The following ZFP2 variants were observed in gnomAD, a reference collection of about 807,000 sequenced individuals.
The protein encoded by ZFP2 is zinc finger protein ZFP2.
ZFP2 carries 33 observed loss-of-function variants against 36.1 expected under a neutral mutation model. The ratio of observed to expected loss-of-function variants is 0.92; its 90% CI spans 0.69 to 1.22. The LOEUF (loss-of-function observed/expected upper bound fraction) is 1.22. ZFP2 is among the 50% of genes most tolerant of loss of function. ZFP2 has a pLI of 0.00. For synonymous variants in ZFP2, 170 were observed against 178.0 expected, an observed-to-expected ratio of 0.96 and a Z score of 0.36; for missense variants, 522 against 551.4, an observed-to-expected ratio of 0.95 and a Z score of 0.53.
At chr5:178,916,745 T>G (rs916720550) in intron 4 of ZFP2, 35 bp downstream of exon 4, 1 of 984,882 alleles carries the variant, frequency 1.0e-6, no homozygotes, top group Admixed American at 6.1e-5. Flanking sequence ...GTGGAAGACA[T>G]TGGCTCTGAA....
In ZFP2 at chr5:178,932,753, T is replaced by C; in HGVS notation, c.*54T>C. 1 of 1,516,078 alleles carries C rather than the reference T, an allele frequency of 6.6e-7. No individual in the cohort carries two copies. Among genetic ancestry groups the C allele is most frequent in the Non-Finnish European group, 8.8e-7 (1 of 1,132,830 alleles). 93.9% of individuals were successfully genotyped at this position (1,516,078 alleles called of 1,614,324 possible). ...GATTAACTCTTCAGTAATAATCATA[T>C]GAGACATACAATGTAGAAACCTAAT... On this transcript the variant is annotated 3_prime_UTR_variant, in exon 5 of 5. Transcript: ENST00000361362.
chr5:178,902,347 T>TA (rs1397692615), intron 1 of ZFP2, among the ~76,000 whole-genome samples: 1 of 152,218 alleles, frequency 6.6e-6, no homozygotes, highest in African/African-American at 2.4e-5. Context: ...AAGGAAAACT[T>TA]ACATCGATAC....
rs936041257 is a variant in ZFP2 at position 178,932,762 on chromosome 5, C to A, written c.*63C>A. On this transcript the variant is annotated 3_prime_UTR_variant, in exon 5 of 5. Transcript: ENST00000361362. ...TTCAGTAATAATCATATGAGACATACAATGTAGAAACCTAATAAATGTAAT... is the reference window on the plus strand; with the variant it reads ...TTCAGTAATAATCATATGAGACATAAAATGTAGAAACCTAATAAATGTAAT... The A allele has an allele frequency of 6.6e-7, 1 of 1,506,746 alleles. No individual in the cohort carries two copies. The highest frequency in any genetic ancestry group is 8.9e-7 in the Non-Finnish European group (1 of 1,127,890). 93.3% of individuals were successfully genotyped at this position (1,506,746 alleles called of 1,614,324 possible).
chr5:178,896,959 T>C (rs980366537), intron 1 of ZFP2, among the ~76,000 whole-genome samples: 1 of 152,134 alleles, frequency 6.6e-6, no homozygotes, highest in African/African-American at 2.4e-5. Context: ...TAGAGCTACG[T>C]CATTTTAATG....
intron 1 of ZFP2, among the ~76,000 whole-genome samples, chr5:178,912,199 T>C (rs1758312799): frequency 6.6e-6 from 1 of 152,224 alleles, no homozygotes; most frequent in African/African-American, 2.4e-5. Flanking sequence ...TGTATGTGGC[T>C]GATAAATTGC....
At chr5:178,916,530 G>C (rs906522089) in intron 3 of ZFP2, 35 bp from the exon 4 acceptor site, 28 of 985,198 alleles carry the variant, frequency 2.8e-5, no homozygotes, top group Admixed American at 6.1e-5. Context: ...CATAGAACAT[G>C]ATGATTTGCA....
chr5:178,909,735 T>C, intron 1 of ZFP2: 1 of 1,547,798 alleles, frequency 6.5e-7, no homozygotes, highest in African/African-American at 1.4e-5. Context: ...ACACAAGCCC[T>C]CGGGCCTTGA....
chr5:178,911,051 G>A (rs1243071738), intron 1 of ZFP2, among the ~76,000 whole-genome samples: 2 of 152,104 alleles, frequency 1.3e-5, no homozygotes, highest in Non-Finnish European at 2.9e-5. Flanking sequence ...AACATCTGAT[G>A]ATTTTCTTAG....
At chr5:178,928,921 TAG>T (rs1300782485) in intron 4 of ZFP2, among the ~76,000 whole-genome samples, 9 of 152,214 alleles carry the variant, frequency 5.9e-5, no homozygotes, top group Non-Finnish European at 7.3e-5. Flanking sequence ...GAAATCTAGA[TAG>T]AGTTTCCCAA....
intron 4 of ZFP2, among the ~76,000 whole-genome samples, chr5:178,927,593 T>G (rs1758705613): frequency 6.7e-6 from 1 of 149,718 alleles, no homozygotes. Context: ...ACCTCCCGGG[T>G]TCAAGTGATT....
chr5:178,929,271 G>C (rs1003579788), intron 4 of ZFP2, among the ~76,000 whole-genome samples: 1 of 152,240 alleles, frequency 6.6e-6, no homozygotes, highest in Non-Finnish European at 1.5e-5. Context: ...TCTGCAGCCT[G>C]CTTGAATTCC....
Position 178,931,278 on chromosome 5 carries a change from C to A in ZFP2, c.-36C>A. 1 of 1,528,500 alleles carries A rather than the reference C, an allele frequency of 6.5e-7. No homozygotes were observed. The highest frequency in any genetic ancestry group is 8.8e-7 in the Non-Finnish European group (1 of 1,142,340). 94.7% of individuals were successfully genotyped at this position (1,528,500 alleles called of 1,614,324 possible). Reference sequence around the variant, plus strand: ...TGAAACCAAAGAGCCAACTCCGAAGCCGGGTATTACTGAAGATTTATGCCA... The same window carrying A: ...TGAAACCAAAGAGCCAACTCCGAAGACGGGTATTACTGAAGATTTATGCCA... On this transcript the variant is annotated 5_prime_UTR_variant, in exon 5 of 5. Transcript: ENST00000361362.
rs1014449088 is a variant in ZFP2, at chr5:178,908,865, A to C, written c.-449-3719A>C. On this transcript the variant is annotated intron_variant, in intron 1 of 4. Coordinates refer to ENST00000361362, the MANE Select transcript of ZFP2 (RefSeq NM_030613.4). ...AGAAAAGCTGAGTGTTGGGAAAAAA[A>C]GCTGAGGCAGGGCTTGCATGTCTGA... Among the ~76,000 whole-genome samples the C allele has an allele frequency of 2.6e-5, 4 of 152,090 alleles. No homozygotes were observed. In the East Asian group the frequency reaches 5.8e-4, roughly 22 times the overall value.
Position 178,931,884 on chromosome 5 carries a change from T to C in ZFP2, c.571T>C (p.Cys191Arg), listed in dbSNP as rs1468724392. ...AGAGAAACCCTATCAGTGTAAAGAG[T>C]GTGGCAAAGCCTTCCATAAGAATTC... ...TGEKPYQCKECGKAFHKNSSL... is the reference protein window; with the variant it reads ...TGEKPYQCKERGKAFHKNSSL... The change falls in exon 5 of 5, where the codon TGT becomes CGT. Residue 191 changes from cysteine to arginine, a missense_variant. Cys to Arg is a radical substitution (Grantham distance 180). Coordinates refer to ENST00000361362, the MANE Select transcript of ZFP2 (RefSeq NM_030613.4). 2 of 1,612,616 alleles carry C rather than the reference T, an allele frequency of 1.2e-6. No homozygotes were observed. Among genetic ancestry groups the C allele is most frequent in the Non-Finnish European group, 1.7e-6 (2 of 1,178,998 alleles).
chr5:178,903,970 A>G (rs558555478), intron 1 of ZFP2, among the ~76,000 whole-genome samples: 1 of 152,316 alleles, frequency 6.6e-6, no homozygotes, highest in East Asian at 1.9e-4. Flanking sequence ...TAGCCCGGCA[A>G]CAGAGTGAGA....
intron 4 of ZFP2, among the ~76,000 whole-genome samples, chr5:178,919,388 A>G (rs1758506157): frequency 6.6e-6 from 1 of 152,198 alleles, no homozygotes; most frequent in Non-Finnish European, 1.5e-5. Flanking sequence ...CTGATATTAC[A>G]ATGACTTAAC....
chr5:178,904,860 G>A (rs1247070219), intron 1 of ZFP2, among the ~76,000 whole-genome samples: 3 of 151,592 alleles, frequency 2.0e-5, no homozygotes, highest in East Asian at 1.9e-4. Flanking sequence ...GTGCCACCAC[G>A]CCTGGCTAAC....
In ZFP2 at chr5:178,930,331, T is replaced by TTTG. The variant is rs1221788097; in HGVS notation, c.-77-904_-77-903insGTT. 3.1e-5 allele frequency among the ~76,000 whole-genome samples: 4 copies of TTTG among 128,734 alleles called. No individual in the cohort carries two copies. In the East Asian group the frequency reaches 8.7e-4, roughly 28 times the overall value. 84.5% of individuals were successfully genotyped at this position (128,734 alleles called of 152,430 possible). ...TCCCTTTCCTTTTTTTTTTTTTTTT[T>TTTG]TTTTTTTGAGACAGAGTCTCACTCT... On this transcript the variant is annotated intron_variant, in intron 4 of 4. Coordinates refer to ENST00000361362, the MANE Select transcript of ZFP2 (RefSeq NM_030613.4).
rs149725767 is a variant in ZFP2, at chr5:178,912,828, T to C, written c.-314+109T>C. 152 of 935,410 alleles carry C rather than the reference T, an allele frequency of 1.6e-4. 1 individual carries two copies. The African/African-American group carries it at 2.2e-3, about 14-fold the overall frequency. 57.9% of individuals were successfully genotyped at this position (935,410 alleles called of 1,614,324 possible). A position where few individuals can be genotyped will look rare whatever the true frequency, so the allele number is the denominator to read the frequency against. On this transcript the variant is annotated intron_variant, in intron 2 of 4. Coordinates refer to ENST00000361362, the MANE Select transcript of ZFP2 (RefSeq NM_030613.4). ...GTGTCCTCTCTTTCAAGGCAGAAGA[T>C]TGAAATTTTCTGTAGAGAATGGAAA...
Sources: gnomAD v4.1 joint callset for allele counts (sites outside exome capture counted in the v4.1 genomes callset) on GRCh38, gnomAD v4.1.1 for gene constraint, MANE v1.5 for transcripts, NCBI Gene and HGNC (gene_info 2026-07-23, HGNC 2026-07-21) for gene names.